ENKUR: variants seen among roughly 807,000 people sequenced by gnomAD.
The protein encoded by ENKUR is enkurin, TRPC channel interacting protein.
A neutral mutation model predicts 27.6 loss-of-function variants in ENKUR; 19 were observed. The observed-to-expected ratio is 0.69, with a 90% CI of 0.48 to 1.01. The LOEUF (loss-of-function observed/expected upper bound fraction) is 1.01, where lower values mean the gene tolerates loss of function less well. Among genes scored for constraint, ENKUR ranks in the 50% least tolerant of loss-of-function variants. The probability of loss-of-function intolerance (pLI) is 0.00; values close to 1 mark genes in which losing one functional copy is unlikely to be tolerated. For synonymous variants in ENKUR, 117 were observed against 96.9 expected (o/e 1.21, Z -1.22); for missense variants, 312 against 310.5 (o/e 1.00, Z -0.04).
chr10:24,984,782 C>T lies in ENKUR; in HGVS notation c.718G>A (p.Asp240Asn), dbSNP rs752499383. The change falls in exon 5 of 6, where the codon GAC becomes AAC. Residue 240 changes from aspartate to asparagine, a missense_variant. By Grantham distance (23) the Asp-to-Asn change is conservative (BLOSUM62 1). Coordinates refer to ENST00000331161, the MANE Select transcript of ENKUR (RefSeq NM_145010.4). Reference protein sequence around the residue: ...LEEEMKQLEHDIGIIEKHKII... With the variant: ...LEEEMKQLEHNIGIIEKHKII... Reference sequence around the variant, plus strand: ...TTGTGCTTTTCAATTATGCCAATGTCGTGTTCTAGTTGTTTCATTTCTTCT... The same window carrying T: ...TTGTGCTTTTCAATTATGCCAATGTTGTGTTCTAGTTGTTTCATTTCTTCT... 1.2e-5 allele frequency: 20 copies of T among 1,613,488 alleles called. No individual in the cohort carries two copies. Among genetic ancestry groups the T allele is most frequent in the East Asian group, 1.1e-4 (5 of 44,822 alleles).
upstream of ENKUR, among the ~76,000 whole-genome samples, chr10:25,020,642 C>G (rs1339108824): frequency 6.6e-6 from 1 of 151,540 alleles, no homozygotes; most frequent in East Asian, 1.9e-4. Flanking sequence ...TGATGCACAC[C>G]TGGTGGGAGG....
chr10:25,043,872 G>A (rs1314302011), intron 2 of ENKUR, among the ~76,000 whole-genome samples: 1 of 147,634 alleles, frequency 6.8e-6, no homozygotes, highest in East Asian at 2.0e-4. Context: ...CACATCTGAC[G>A]AAATTTTAAT....
At chr10:24,988,920 C>T (rs947891279) in intron 4 of ENKUR, among the ~76,000 whole-genome samples, 16 of 151,600 alleles carry the variant, frequency 1.1e-4, no homozygotes, top group African/African-American at 1.9e-4. Flanking sequence ...GGAGGCCAGC[C>T]GGTGGCTTTG....
rs145537737 is a variant in ENKUR, at chr10:25,031,185, A to G, written c.37+29927T>C. Among the ~76,000 whole-genome samples, 423 of 152,332 alleles carry G rather than the reference A, an allele frequency of 2.8e-3. 1 individual carries two copies. Among genetic ancestry groups the G allele is most frequent in the South Asian group, 7.7e-3 (37 of 4,828 alleles). On this transcript the variant is annotated intron_variant, in intron 2 of 5. Transcript: ENST00000615958. ...ACCTCCCAAACCTTATGTGCATGCT[A>G]TTCCTCACATCAACAAATGAAATCC...
At chr10:25,054,954 C>A (rs79657268) in intron 2 of ENKUR, among the ~76,000 whole-genome samples, 1 of 152,066 alleles carries the variant, frequency 6.6e-6, no homozygotes, top group African/African-American at 2.4e-5. Flanking sequence ...AGATTACAGG[C>A]GTGAGCCACT....
At position 25,060,573 on chromosome 10, in the gene ENKUR, AC is replaced by A. The variant is rs141110918; in HGVS notation, c.37+538del. Among the ~76,000 whole-genome samples, 271 of 152,316 alleles carry A rather than the reference AC, an allele frequency of 1.8e-3. 1 individual carries two copies. Among genetic ancestry groups the A allele is most frequent in the African/African-American group, 6.3e-3 (261 of 41,566 alleles). ...ATACGATGCCGTTTTCCAAGAGGGAACTTTTCCAGTTTCTGTCATCTTCAAT... is the reference window on the plus strand; with the variant it reads ...ATACGATGCCGTTTTCCAAGAGGGAATTTTCCAGTTTCTGTCATCTTCAAT... On this transcript the variant is annotated intron_variant, in intron 2 of 5. Coordinates refer to the ENKUR transcript ENST00000615958.
intron 2 of ENKUR, among the ~76,000 whole-genome samples, chr10:25,051,199 C>G (rs1382155909): frequency 6.6e-6 from 1 of 152,188 alleles, no homozygotes; most frequent in African/African-American, 2.4e-5. Flanking sequence ...CTTCCCACTC[C>G]TGAAATATAG....
chr10:25,058,233 A>C (rs1210687497), intron 2 of ENKUR, among the ~76,000 whole-genome samples: 1 of 151,924 alleles, frequency 6.6e-6, no homozygotes, highest in African/African-American at 2.4e-5. Context: ...TTTGAGACAG[A>C]GTCTCACTCT....
intron 2 of ENKUR, among the ~76,000 whole-genome samples, chr10:25,027,402 T>C (rs933642642): frequency 1.7e-5 from 2 of 120,292 alleles, no homozygotes; most frequent in African/African-American, 5.9e-5. Context: ...CCAGGCATGG[T>C]GGCGCATGCC....
chr10:25,028,318 C>T (rs1352827515), intron 2 of ENKUR, among the ~76,000 whole-genome samples: 1 of 152,214 alleles, frequency 6.6e-6, no homozygotes, highest in Non-Finnish European at 1.5e-5. Context: ...AGTGACCATA[C>T]ATAACACACC....
At chr10:25,036,884 A>G (rs1200826898) in intron 2 of ENKUR, among the ~76,000 whole-genome samples, 1 of 152,120 alleles carries the variant, frequency 6.6e-6, no homozygotes, top group Non-Finnish European at 1.5e-5. Context: ...AATCCCCTTC[A>G]GGCTATGATG....
upstream of ENKUR, among the ~76,000 whole-genome samples, chr10:25,016,985 C>T (rs1266752282): frequency 2.6e-5 from 4 of 152,084 alleles, no homozygotes; most frequent in South Asian, 6.2e-4. Context: ...AGTGCGCGCA[C>T]GGGGCCCGCG....
At chr10:24,987,339 T>C (rs975956036) in intron 4 of ENKUR, among the ~76,000 whole-genome samples, 3 of 152,074 alleles carry the variant, frequency 2.0e-5, no homozygotes, top group Admixed American at 6.6e-5. Context: ...CTGTCAATAA[T>C]TCCTTCATAA....
At chr10:25,061,930 A>G (rs1851333293) in intron 1 of ENKUR, among the ~76,000 whole-genome samples, 3 of 152,156 alleles carry the variant, frequency 2.0e-5, no homozygotes, top group Admixed American at 1.3e-4. Flanking sequence ...GAAGGCACCC[A>G]ATATGTATTT....
chr10:25,044,578 G>A (rs569942093), intron 2 of ENKUR, among the ~76,000 whole-genome samples: 3 of 152,112 alleles, frequency 2.0e-5, no homozygotes, highest in East Asian at 1.9e-4. Flanking sequence ...TTCATATTTT[G>A]TAGAGACATA....
chr10:25,003,174 A>C (rs1850230077), intron 1 of ENKUR, among the ~76,000 whole-genome samples: 1 of 137,620 alleles, frequency 7.3e-6, no homozygotes, highest in African/African-American at 2.9e-5. Flanking sequence ...TAATTAATTA[A>C]TTAATTAATT....
In ENKUR at chr10:24,990,623, G is replaced by T; in HGVS notation, c.448-14C>A. 1.3e-6 allele frequency: 2 copies of T among 1,585,616 alleles called. No homozygotes were observed. Among genetic ancestry groups the T allele is most frequent in the Non-Finnish European group, 8.5e-7 (1 of 1,171,344 alleles). ...GACACCATAATCCTAAAAAGATTTT[G>T]CAGAAAAAAGTAATCAATATTTTGT... On this transcript the variant is annotated splice_polypyrimidine_tract_variant and intron_variant, in intron 3 of 5. Coordinates refer to ENST00000331161, the MANE Select transcript of ENKUR (RefSeq NM_145010.4).
intron 2 of ENKUR, chr10:25,024,330 T>G: frequency 1.2e-6 from 2 of 1,614,174 alleles, no homozygotes; most frequent in Non-Finnish European, 1.7e-6. Context: ...TCCCACCAAG[T>G]TGCAATTATA....
chr10:25,033,111 A>C lies in ENKUR; in HGVS notation c.37+28001T>G, dbSNP rs566239871. 3.3e-5 allele frequency among the ~76,000 whole-genome samples: 5 copies of C among 152,312 alleles called. No homozygotes were observed. The South Asian group carries it at 1.0e-3, about 32-fold the overall frequency. On this transcript the variant is annotated intron_variant, in intron 2 of 5. Transcript: ENST00000615958. ...TGGTTCATTAAACTTAAATAGTTTT[A>C]GCAAAAACAAACAAAAATCTTTGTT...
Sources: allele counts gnomAD v4.1 joint callset (sites outside exome capture counted in the v4.1 genomes callset), GRCh38; gene constraint gnomAD v4.1.1; transcripts MANE v1.5; gene names NCBI Gene and HGNC (gene_info 2026-07-23, HGNC 2026-07-21).